ST3GAL3: variants seen among roughly 807,000 people sequenced by gnomAD.
ST3GAL3 encodes the protein CMP-N-acetylneuraminate-beta-1,4-galactoside alpha-2,3-sialyltransferase.
ST3GAL3 carries 21 observed loss-of-function variants against 50.1 expected under a neutral mutation model. The ratio of observed to expected loss-of-function variants is 0.42; its 90% CI spans 0.30 to 0.60. ST3GAL3 has a LOEUF of 0.60. ST3GAL3 is among the 20% of genes least tolerant of loss of function. The pLI, the probability that ST3GAL3 is intolerant of heterozygous loss-of-function variation, is 0.19. For synonymous variants in ST3GAL3, 183 were observed against 190.0 expected (o/e 0.96, Z 0.30); for missense variants, 353 against 489.4 (o/e 0.72, Z 2.63).
At chr1:43,827,044 CT>C (rs934727241) in intron 4 of ST3GAL3, among the ~76,000 whole-genome samples, 2 of 152,170 alleles carry the variant, frequency 1.3e-5, no homozygotes, top group Non-Finnish European at 2.9e-5. Flanking sequence ...GATGTCCCCC[CT>C]CTCACCACTC....
intron 5 of ST3GAL3, chr1:43,850,662 A>C: frequency 1.4e-6 from 1 of 727,026 alleles, no homozygotes; most frequent in East Asian, 2.5e-5. Context: ...GATTGAATGG[A>C]GATCCACGAG....
intron 5 of ST3GAL3, among the ~76,000 whole-genome samples, chr1:43,864,014 C>T (rs2070701013): frequency 6.6e-6 from 1 of 152,126 alleles, no homozygotes; most frequent in African/African-American, 2.4e-5. Flanking sequence ...CGTGGTGGCT[C>T]ATGCCTGTAA....
chr1:43,727,620 A>C (rs1424549573), intron 1 of ST3GAL3, among the ~76,000 whole-genome samples: 1 of 152,186 alleles, frequency 6.6e-6, no homozygotes, highest in Non-Finnish European at 1.5e-5. Context: ...CCTGCAGAGA[A>C]AGCCATCAGT....
At chr1:43,780,551 G>T (rs923611051) in intron 2 of ST3GAL3, among the ~76,000 whole-genome samples, 1 of 151,866 alleles carries the variant, frequency 6.6e-6, no homozygotes, top group East Asian at 1.9e-4. Context: ...TATTCAGAAG[G>T]CATGTTTTCT....
intron 2 of ST3GAL3, among the ~76,000 whole-genome samples, chr1:43,782,153 T>A (rs1699574454): frequency 6.6e-6 from 1 of 152,246 alleles, no homozygotes; most frequent in Non-Finnish European, 1.5e-5. Flanking sequence ...TTTCTTTTGC[T>A]ACATTTAACA....
At chr1:43,850,960 CT>C in intron 5 of ST3GAL3, 1 of 978,536 alleles carries the variant, frequency 1.0e-6, no homozygotes, top group Admixed American at 1.7e-5. Flanking sequence ...ATCGTGCGGA[CT>C]TGGCAGCCTC....
intron 5 of ST3GAL3, among the ~76,000 whole-genome samples, chr1:43,865,714 A>G (rs1342899514): frequency 2.0e-5 from 3 of 152,188 alleles, no homozygotes; most frequent in Non-Finnish European, 2.9e-5. Flanking sequence ...CCTAAGGTAG[A>G]TCACTGGGCT....
intron 4 of ST3GAL3, among the ~76,000 whole-genome samples, chr1:43,820,691 C>A (rs2061984969): frequency 6.6e-6 from 1 of 151,838 alleles, no homozygotes; most frequent in Non-Finnish European, 1.5e-5. Flanking sequence ...ATCTACATGA[C>A]AAAATCACTT....
chr1:43,809,717 G>A (rs562794412), intron 3 of ST3GAL3, among the ~76,000 whole-genome samples: 12 of 151,742 alleles, frequency 7.9e-5, no homozygotes, highest in East Asian at 1.9e-4. Flanking sequence ...GAAAAGGGCC[G>A]AGCGTGGTGG....
chr1:43,784,228 GC>G (rs1246096811), intron 2 of ST3GAL3, among the ~76,000 whole-genome samples: 2 of 152,108 alleles, frequency 1.3e-5, no homozygotes, highest in African/African-American at 4.8e-5. Flanking sequence ...TAAACGACAG[GC>G]CAGGCGTGGT....
intron 5 of ST3GAL3, among the ~76,000 whole-genome samples, chr1:43,884,856 A>G (rs1337715355): frequency 6.6e-6 from 1 of 152,142 alleles, no homozygotes; most frequent in Non-Finnish European, 1.5e-5. Context: ...CAGCAAACCC[A>G]TATCTGGAAG....
chr1:43,906,640 CT>C (rs1253452209), intron 9 of ST3GAL3, among the ~76,000 whole-genome samples: 1 of 150,900 alleles, frequency 6.6e-6, no homozygotes, highest in African/African-American at 2.4e-5. Flanking sequence ...ACTCTTCCCC[CT>C]CCTCCTCCTG....
intron 2 of ST3GAL3, among the ~76,000 whole-genome samples, chr1:43,748,705 G>A (rs887088027): frequency 5.9e-5 from 9 of 152,108 alleles, no homozygotes; most frequent in African/African-American, 2.2e-4. Flanking sequence ...TTACAGGTGT[G>A]AGCCACCTTG....
intron 11 of ST3GAL3, among the ~76,000 whole-genome samples, chr1:43,922,804 G>GAAAAAAAAAAAA (rs59235536): frequency 8.9e-6 from 1 of 111,944 alleles, no homozygotes. Context: ...TCTCAAAAAA[G>GAAAAAAAAAAAA]AAAAAAAAAA....
In ST3GAL3 at chr1:43,792,167, T is replaced by A; in HGVS notation, c.166+18T>A. Reference sequence around the variant, plus strand: ...AGGCTCAGGTACCAACTCTTCCCCCTCTATCATCTTTTTGGCCTTCAATAT... The same window carrying A: ...AGGCTCAGGTACCAACTCTTCCCCCACTATCATCTTTTTGGCCTTCAATAT... On this transcript the variant is annotated intron_variant, in intron 3 of 11. Coordinates refer to ENST00000347631, the MANE Select transcript of ST3GAL3 (RefSeq NM_006279.5). The A allele has an allele frequency of 6.2e-7, 1 of 1,614,204 alleles. No homozygotes were observed. The highest frequency in any genetic ancestry group is 8.5e-7 in the Non-Finnish European group (1 of 1,180,022).
At chr1:43,776,908 C>G (rs1697463535) in intron 2 of ST3GAL3, among the ~76,000 whole-genome samples, 1 of 152,092 alleles carries the variant, frequency 6.6e-6, no homozygotes, top group African/African-American at 2.4e-5. Flanking sequence ...CATTTTTGCC[C>G]CTTCTCTGGC....
intron 1 of ST3GAL3, among the ~76,000 whole-genome samples, chr1:43,722,110 A>G (rs1670780647): frequency 6.6e-6 from 1 of 152,212 alleles, no homozygotes; most frequent in Non-Finnish European, 1.5e-5. Context: ...TGGGTGTGGT[A>G]GGACTATATG....
At chr1:43,847,117 G>A (rs1574147964) in intron 5 of ST3GAL3, among the ~76,000 whole-genome samples, 2 of 152,172 alleles carry the variant, frequency 1.3e-5, no homozygotes, top group South Asian at 4.1e-4. Context: ...CATCCATTAG[G>A]ATACTATGGC....
At chr1:43,771,688 C>T (rs1215236419) in intron 2 of ST3GAL3, among the ~76,000 whole-genome samples, 1 of 151,364 alleles carries the variant, frequency 6.6e-6, no homozygotes, top group African/African-American at 2.4e-5. Flanking sequence ...ACTTTTGACC[C>T]CTAATTTAGT....
Sources: gnomAD v4.1 joint callset for allele counts (sites outside exome capture counted in the v4.1 genomes callset) on GRCh38, gnomAD v4.1.1 for gene constraint, MANE v1.5 for transcripts, NCBI Gene and HGNC (gene_info 2026-07-23, HGNC 2026-07-21) for gene names.